Variants in CSTF1 observed in about 807,000 individuals in gnomAD.
The protein encoded by CSTF1 is cleavage stimulation factor subunit 1, also known as CF-1 50 kDa subunit.
A neutral mutation model predicts 40.9 loss-of-function variants in CSTF1; 2 were observed. The observed-to-expected ratio is 0.05, with a 90% CI of 0.02 to 0.15. The LOEUF is 0.15. Among genes scored for constraint, CSTF1 ranks in the 10% least tolerant of loss-of-function variants. The probability of loss-of-function intolerance (pLI) is 1.00; values close to 1 mark genes in which losing one functional copy is unlikely to be tolerated. For missense variants in CSTF1, 279 were observed against 558.9 expected (o/e 0.50, Z 5.05); for synonymous variants, 218 against 207.2 (o/e 1.05, Z -0.45).
Position 56,397,910 on chromosome 20 carries a change from T to C in CSTF1, c.645+69T>C. The C allele has an allele frequency of 1.6e-6, 2 of 1,244,464 alleles. No individual in the cohort carries two copies. Among genetic ancestry groups the C allele is most frequent in the Non-Finnish European group, 2.3e-6 (2 of 871,124 alleles). 77.1% of individuals were successfully genotyped at this position (1,244,464 alleles called of 1,614,324 possible). On this transcript the variant is annotated intron_variant, in intron 4 of 5. Coordinates refer to ENST00000217109, the MANE Select transcript of CSTF1 (RefSeq NM_001324.3). This position sits in a 1 kb window ranked among gnomAD's most constrained non-coding sequence, Gnocchi z 4.4. Reference sequence around the variant, plus strand: ...AATGAGCTATTGTACAACTATTCTCTTTTTAAAAGTAGTCTCAGTGATCAT... The same window carrying C: ...AATGAGCTATTGTACAACTATTCTCCTTTTAAAAGTAGTCTCAGTGATCAT...
intron 5 of CSTF1, among the ~76,000 whole-genome samples, chr20:56,403,109 GT>G (rs565924603): frequency 1.2e-4 from 18 of 151,930 alleles, no homozygotes; most frequent in Admixed American, 2.6e-4. Context: ...TTTAAAATGT[GT>G]TTTTTTATGC....
At chr20:56,396,554 TAAAAC>T (rs1008598714) in intron 2 of CSTF1, among the ~76,000 whole-genome samples, 6 of 152,102 alleles carry the variant, frequency 3.9e-5, no homozygotes, top group Admixed American at 1.3e-4. Context: ...TTTTGAAAAA[TAAAAC>T]AGCCGTGCAC....
At position 56,404,736 on chromosome 20, in the gene CSTF1, C is replaced by T. The variant is rs1428397089; in HGVS notation, c.*1009C>T. On this transcript the variant is annotated 3_prime_UTR_variant, in exon 6 of 6. Transcript: ENST00000217109. ...TCTCAGCTCACTGCAAGCTCCGCCTCCTGGTTTCACACCATTTTCCTGCCT... is the reference window on the plus strand; with the variant it reads ...TCTCAGCTCACTGCAAGCTCCGCCTTCTGGTTTCACACCATTTTCCTGCCT... 1 of 150,962 alleles carries T rather than the reference C, an allele frequency of 6.6e-6. No individual in the cohort carries two copies. The highest frequency in any genetic ancestry group is 1.5e-5 in the Non-Finnish European group (1 of 67,942). The allele number at this position is 150,962 out of a possible 1,614,324, so 9.4% of individuals were successfully genotyped here. A position where few individuals can be genotyped will look rare whatever the true frequency, so the allele number is the denominator to read the frequency against.
At chr20:56,396,751 GT>G (rs1240110642) in intron 2 of CSTF1, among the ~76,000 whole-genome samples, 1 of 152,114 alleles carries the variant, frequency 6.6e-6, no homozygotes, top group African/African-American at 2.4e-5. Flanking sequence ...TGATAAACCA[GT>G]TTTTTTTAAA....
rs1190756923 is a variant in CSTF1 at position 56,397,953 on chromosome 20, G to A, written c.645+112G>A. 2 of 834,482 alleles carry A rather than the reference G, an allele frequency of 2.4e-6. No homozygotes were observed. The highest frequency in any genetic ancestry group is 3.7e-6 in the Non-Finnish European group (2 of 538,132). The allele number at this position is 834,482 out of a possible 1,614,324, so 51.7% of individuals were successfully genotyped here. A position where few individuals can be genotyped will look rare whatever the true frequency, so the allele number is the denominator to read the frequency against. ...GTGATCATCCTGTAAGATGCGTACA[G>A]ACCAGGATGCATGCCCGATGGCACA... On this transcript the variant is annotated intron_variant, in intron 4 of 5. Transcript: ENST00000217109. This position sits in a 1 kb window ranked among gnomAD's most constrained non-coding sequence, Gnocchi z 4.4.
chr20:56,402,421 T>C (rs749641886), intron 5 of CSTF1, among the ~76,000 whole-genome samples: 3 of 152,214 alleles, frequency 2.0e-5, no homozygotes, highest in Non-Finnish European at 1.5e-5. Context: ...TATTAGGCAG[T>C]TTTTATTTTC....
chr20:56,401,017 C>T (rs546088172), intron 5 of CSTF1, among the ~76,000 whole-genome samples: 24 of 151,738 alleles, frequency 1.6e-4, no homozygotes, highest in African/African-American at 5.3e-4. Context: ...CCAGCCTGGG[C>T]GACAGAGTAA....
In CSTF1 at chr20:56,397,560, C is replaced by T. The variant is rs1987552137; in HGVS notation, c.447+76C>T. 6.3e-7 allele frequency: 1 copy of T among 1,598,066 alleles called. No individual in the cohort carries two copies. The highest frequency in any genetic ancestry group is 8.6e-7 in the Non-Finnish European group (1 of 1,167,790). ...GGAAAAATGAGAGTATGGTTGAAACCAGCTTTAGTTTGCTACAGTTGTGGA... is the reference window on the plus strand; with the variant it reads ...GGAAAAATGAGAGTATGGTTGAAACTAGCTTTAGTTTGCTACAGTTGTGGA... On this transcript the variant is annotated intron_variant, in intron 3 of 5. Transcript: ENST00000217109. The surrounding 1 kb of genome is among the most constrained non-coding windows in gnomAD (Gnocchi z 4.4).
intron 1 of CSTF1, among the ~76,000 whole-genome samples, chr20:56,394,393 C>G (rs1445358520): frequency 6.6e-6 from 1 of 152,152 alleles, no homozygotes; most frequent in African/African-American, 2.4e-5. Context: ...TCGAGACCAG[C>G]CTGGCCAATA....
At chr20:56,403,432 G>C (rs1277924524) in intron 5 of CSTF1, 36 bp from the exon 6 acceptor site, 1 of 1,610,440 alleles carries the variant, frequency 6.2e-7, no homozygotes, top group Non-Finnish European at 8.5e-7. Flanking sequence ...CTAAGATGTG[G>C]ACTTAGAAAG....
intron 5 of CSTF1, among the ~76,000 whole-genome samples, chr20:56,401,432 T>C (rs539780763): frequency 2.0e-5 from 3 of 152,362 alleles, no homozygotes; most frequent in East Asian, 1.9e-4. Flanking sequence ...CTACTATTGA[T>C]AGAGATTTCG....
At chr20:56,395,758 A>C in intron 2 of CSTF1, 37 bp downstream of exon 2, 1 of 1,601,906 alleles carries the variant, frequency 6.2e-7, no homozygotes, top group Non-Finnish European at 8.5e-7. Context: ...TCCCATGGCA[A>C]GGTTTTAGAT....
At position 56,405,645 on chromosome 20, in the gene CSTF1, C is replaced by A. The variant is rs1163978924; in HGVS notation, c.*1918C>A. 2.0e-5 allele frequency: 3 copies of A among 152,188 alleles called. No individual in the cohort carries two copies. Among genetic ancestry groups the A allele is most frequent in the Non-Finnish European group, 4.4e-5 (3 of 68,036 alleles). 9.4% of individuals were successfully genotyped at this position (152,188 alleles called of 1,614,324 possible). ...CATCACAGGGTTTTAGCTCAGATTTCCAAAGAGCCATATTTTTTGATGCAT... is the reference window on the plus strand; with the variant it reads ...CATCACAGGGTTTTAGCTCAGATTTACAAAGAGCCATATTTTTTGATGCAT... On this transcript the variant is annotated 3_prime_UTR_variant, in exon 6 of 6. Coordinates refer to ENST00000217109, the MANE Select transcript of CSTF1 (RefSeq NM_001324.3).
chr20:56,397,920 T>G lies in CSTF1; in HGVS notation c.645+79T>G. 1.7e-6 allele frequency: 2 copies of G among 1,159,442 alleles called. No individual in the cohort carries two copies. Among genetic ancestry groups the G allele is most frequent in the Admixed American group, 3.9e-5 (2 of 51,518 alleles). 71.8% of individuals were successfully genotyped at this position (1,159,442 alleles called of 1,614,324 possible). Reference sequence around the variant, plus strand: ...TGTACAACTATTCTCTTTTTAAAAGTAGTCTCAGTGATCATCCTGTAAGAT... The same window carrying G: ...TGTACAACTATTCTCTTTTTAAAAGGAGTCTCAGTGATCATCCTGTAAGAT... On this transcript the variant is annotated intron_variant, in intron 4 of 5. Coordinates refer to ENST00000217109, the MANE Select transcript of CSTF1 (RefSeq NM_001324.3). This position sits in a 1 kb window ranked among gnomAD's most constrained non-coding sequence, Gnocchi z 4.4.
At chr20:56,400,912 G>A (rs1044911093) in intron 5 of CSTF1, among the ~76,000 whole-genome samples, 3 of 152,192 alleles carry the variant, frequency 2.0e-5, no homozygotes, top group South Asian at 2.1e-4. Flanking sequence ...GGTGGCGGGC[G>A]CCTGTAGTCC....
chr20:56,402,407 C>A (rs1306376668), intron 5 of CSTF1, among the ~76,000 whole-genome samples: 1 of 151,682 alleles, frequency 6.6e-6, no homozygotes, highest in African/African-American at 2.4e-5. Context: ...CTGATGGGTG[C>A]AATTATTAGG....
At chr20:56,401,201 T>C (rs1978435697) in intron 5 of CSTF1, among the ~76,000 whole-genome samples, 1 of 152,140 alleles carries the variant, frequency 6.6e-6, no homozygotes, top group South Asian at 2.1e-4. Flanking sequence ...ATACAGATGT[T>C]AGACATTGAG....
rs1978382972 is a variant in CSTF1, at chr20:56,399,979, A to G, written c.1036+622A>G. Among the ~76,000 whole-genome samples the G allele has an allele frequency of 6.6e-6, 1 of 152,216 alleles. No individual in the cohort carries two copies. The highest frequency in any genetic ancestry group is 2.1e-4 in the South Asian group (1 of 4,832). On this transcript the variant is annotated intron_variant, in intron 5 of 5. Transcript: ENST00000217109. The surrounding 1 kb of genome is among the most constrained non-coding windows in gnomAD (Gnocchi z 4.6). ...TCACTAGTAGGGCCCAAGTCTGGTT[A>G]TTTGATAATGAATGTTAAAACACTG...
intron 1 of CSTF1, among the ~76,000 whole-genome samples, chr20:56,395,209 A>G (rs1987482059): frequency 6.6e-6 from 1 of 152,244 alleles, no homozygotes; most frequent in Non-Finnish European, 1.5e-5. Flanking sequence ...CAAAAATCAT[A>G]GGTAGCTAGT....
Sources: allele counts gnomAD v4.1 joint callset (sites outside exome capture counted in the v4.1 genomes callset), GRCh38; gene constraint gnomAD v4.1.1; non-coding constraint Gnocchi (gnomAD v3.1); transcripts MANE v1.5; gene names NCBI Gene and HGNC (gene_info 2026-07-23, HGNC 2026-07-21).